PKHD1: variants seen among roughly 807,000 people sequenced by gnomAD.
PKHD1 encodes the protein PKHD1 ciliary IPT domain containing fibrocystin/polyductin.
PKHD1 carries 291 observed loss-of-function variants against 412.0 expected under a neutral mutation model. The ratio of observed to expected loss-of-function variants is 0.71; its 90% CI spans 0.64 to 0.78. The LOEUF is 0.78. PKHD1 is among the 30% of genes least tolerant of loss of function. The pLI is 0.00. For missense variants in PKHD1, 4,825 were observed against 4,950.7 expected (o/e 0.97, Z 0.76); for synonymous variants, 1,777 against 1,821.5 (o/e 0.98, Z 0.62).
At chr6:51,977,320 T>C (rs2128010506) in intron 35 of PKHD1, among the ~76,000 whole-genome samples, 1 of 152,336 alleles carries the variant, frequency 6.6e-6, no homozygotes, top group South Asian at 2.1e-4. Context: ...ACAAGCCCTG[T>C]TTACCTGTCC....
Position 52,045,225 on chromosome 6 carries a change from T to C in PKHD1, c.2593-137A>G, listed in dbSNP as rs147062355. 2.5e-5 allele frequency: 21 copies of C among 836,296 alleles called. No homozygotes were observed. In the East Asian group the frequency reaches 4.8e-4, roughly 19 times the overall value. The allele number at this position is 836,296 out of a possible 1,614,324, so 51.8% of individuals were successfully genotyped here. A position where few individuals can be genotyped will look rare whatever the true frequency, so the allele number is the denominator to read the frequency against. On this transcript the variant is annotated intron_variant, in intron 24 of 66. Transcript: ENST00000371117. ...AAAGTGAAAGCAGAGTAACAGAGAATTGAAATATAGAAACGTAACAGTAAA... is the reference window on the plus strand; with the variant it reads ...AAAGTGAAAGCAGAGTAACAGAGAACTGAAATATAGAAACGTAACAGTAAA...
At chr6:51,959,638 T>C (rs1214395241) in intron 36 of PKHD1, among the ~76,000 whole-genome samples, 1 of 152,118 alleles carries the variant, frequency 6.6e-6, no homozygotes, top group African/African-American at 2.4e-5. Flanking sequence ...AACCTTCTTG[T>C]TTTTGAAAAA....
chr6:51,759,508 C>T (rs772137691), intron 55 of PKHD1, among the ~76,000 whole-genome samples: 1 of 151,948 alleles, frequency 6.6e-6, no homozygotes, highest in Non-Finnish European at 1.5e-5. Flanking sequence ...TCTGAGTTCA[C>T]TTGCACCATA....
intron 50 of PKHD1, among the ~76,000 whole-genome samples, chr6:51,840,576 T>A (rs1770004254): frequency 6.6e-6 from 1 of 151,204 alleles, no homozygotes; most frequent in Non-Finnish European, 1.5e-5. Flanking sequence ...ATTTGTGATT[T>A]CCCAGACCCT....
chr6:51,717,492 C>T (rs1781419754), intron 60 of PKHD1, among the ~76,000 whole-genome samples: 2 of 151,834 alleles, frequency 1.3e-5, no homozygotes, highest in South Asian at 4.1e-4. Context: ...ACTATATTTA[C>T]TGTGTTCTAT....
intron 11 of PKHD1, 43 bp downstream of exon 11, chr6:52,069,414 G>A (rs1810250725): frequency 7.2e-7 from 1 of 1,394,650 alleles, no homozygotes; most frequent in Middle Eastern, 1.8e-4. Context: ...CCAACATTGA[G>A]TGAGGCACAA....
intron 22 of PKHD1, among the ~76,000 whole-genome samples, chr6:52,048,853 C>A (rs891815412): frequency 6.6e-6 from 1 of 152,108 alleles, no homozygotes; most frequent in Non-Finnish European, 1.5e-5. Context: ...TAGAGCCTAC[C>A]GATATGGTGG....
intron 52 of PKHD1, among the ~76,000 whole-genome samples, chr6:51,809,871 GA>G (rs60615661): frequency 3.5e-4 from 52 of 147,304 alleles, no homozygotes; most frequent in East Asian, 1.2e-3. Context: ...TTTTTTTCTA[GA>G]AAAAAAAAAA....
chr6:51,843,641 C>A (rs534161882), intron 50 of PKHD1, among the ~76,000 whole-genome samples: 4 of 152,300 alleles, frequency 2.6e-5, no homozygotes, highest in South Asian at 2.1e-4. Context: ...TACAGTCATA[C>A]CCATTCCCAA....
chr6:51,642,135 G>A (rs1001912846), intron 63 of PKHD1, among the ~76,000 whole-genome samples: 2 of 152,074 alleles, frequency 1.3e-5, no homozygotes, highest in Non-Finnish European at 2.9e-5. Flanking sequence ...TAAGCTGGCC[G>A]GGCATGACAT....
At chr6:52,005,834 C>A (rs976068794) in intron 35 of PKHD1, among the ~76,000 whole-genome samples, 2 of 151,730 alleles carry the variant, frequency 1.3e-5, no homozygotes, top group Non-Finnish European at 2.9e-5. Context: ...GGAAAACCTA[C>A]GTAACTTTTT....
chr6:51,888,376 C>T (rs970917469), intron 43 of PKHD1, among the ~76,000 whole-genome samples: 2 of 152,070 alleles, frequency 1.3e-5, no homozygotes, highest in Non-Finnish European at 1.5e-5. Context: ...GAAGTACCTA[C>T]AATATGTTCA....
In PKHD1 at chr6:51,673,778, G is replaced by T. The variant is rs1366500102; in HGVS notation, c.10157-13809C>A. Among the ~76,000 whole-genome samples the T allele has an allele frequency of 3.3e-5, 5 of 152,306 alleles. No homozygotes were observed. In the East Asian group the frequency reaches 9.7e-4, roughly 29 times the overall value. On this transcript the variant is annotated intron_variant, in intron 60 of 66. Transcript: ENST00000371117. ...ATGGAAACATGAAAGACACCTTAAG[G>T]ATTGAGTGTGTGGCTTAAAGAGGCT...
intron 60 of PKHD1, among the ~76,000 whole-genome samples, chr6:51,679,811 GA>G (rs1287340617): frequency 6.6e-6 from 1 of 152,018 alleles, no homozygotes; most frequent in Non-Finnish European, 1.5e-5. Flanking sequence ...GTTGCTGAAG[GA>G]AAGGAAATTA....
intron 52 of PKHD1, among the ~76,000 whole-genome samples, chr6:51,819,805 C>A (rs1426129101): frequency 1.3e-5 from 2 of 152,060 alleles, no homozygotes; most frequent in South Asian, 2.1e-4. Context: ...TTTGGCTTTG[C>A]GAGGGGTTTT....
At chr6:51,789,929 C>G (rs1360627029) in intron 53 of PKHD1, among the ~76,000 whole-genome samples, 2 of 152,034 alleles carry the variant, frequency 1.3e-5, no homozygotes, top group African/African-American at 4.8e-5. Flanking sequence ...CTTAATAGAA[C>G]AAAAAGAATT....
At chr6:51,710,632 C>CAT (rs746376491) in intron 60 of PKHD1, among the ~76,000 whole-genome samples, 3 of 152,006 alleles carry the variant, frequency 2.0e-5, no homozygotes, top group Non-Finnish European at 4.4e-5. Context: ...ACTCATTAAA[C>CAT]ATATATATCT....
intron 16 of PKHD1, among the ~76,000 whole-genome samples, chr6:52,057,486 G>A (rs115500861): frequency 2.4e-3 from 369 of 152,100 alleles, no homozygotes; most frequent in African/African-American, 8.5e-3. Context: ...GCGTGATGCC[G>A]GCTCACTGCA....
At chr6:51,663,565 T>C (rs898268141) in intron 60 of PKHD1, among the ~76,000 whole-genome samples, 7 of 152,088 alleles carry the variant, frequency 4.6e-5, no homozygotes, top group Admixed American at 1.3e-4. Flanking sequence ...ACCACAAGGG[T>C]CAACATTCTA....
Sources: gnomAD v4.1 joint callset for allele counts (sites outside exome capture counted in the v4.1 genomes callset) on GRCh38, gnomAD v4.1.1 for gene constraint, MANE v1.5 for transcripts, NCBI Gene and HGNC (gene_info 2026-07-23, HGNC 2026-07-21) for gene names.